The following CD200R1L variants were observed in gnomAD, a reference collection of about 807,000 sequenced individuals.
CD200R1L encodes the protein CD200 receptor 1 like.
A neutral mutation model predicts 24.8 loss-of-function variants in CD200R1L; 14 were observed. That is an observed-to-expected ratio of 0.56 (90% CI 0.37 to 0.88). CD200R1L has a LOEUF of 0.88. CD200R1L is among the 40% of genes least tolerant of loss of function. The pLI is 0.00. For synonymous variants in CD200R1L, 111 were observed against 109.2 expected, an observed-to-expected ratio of 1.02 and a Z score of -0.11; for missense variants, 299 against 297.8, an observed-to-expected ratio of 1.00 and a Z score of -0.03.
intron 6 of CD200R1L, 40 bp downstream of exon 6, chr3:112,826,953 G>C (rs1399820630): frequency 6.6e-7 from 1 of 1,507,574 alleles, no homozygotes; most frequent in Non-Finnish European, 8.9e-7. Flanking sequence ...AGAAAAAGTT[G>C]AGCATCAAGT....
chr3:112,827,261 A>G lies in CD200R1L; in HGVS notation c.368-20T>C, dbSNP rs566932430. 6.9e-6 allele frequency: 11 copies of G among 1,590,350 alleles called. No individual in the cohort carries two copies. In the Admixed American group the frequency reaches 1.1e-4, roughly 15 times the overall value. On this transcript the variant is annotated intron_variant, in intron 5 of 7. Transcript: ENST00000488794. ...GTGTAACTGCAGAGAGGAAAGAGGG[A>G]AAAAAATGCTTCAGTTTTCACATAA...
intron 6 of CD200R1L, among the ~76,000 whole-genome samples, chr3:112,825,064 C>T (rs1182930910): frequency 2.0e-5 from 3 of 151,816 alleles, no homozygotes. Context: ...GGTGAAACCC[C>T]GTCTCTACAA....
At chr3:112,816,230 T>C (rs1161698831) in intron 7 of CD200R1L, among the ~76,000 whole-genome samples, 1 of 152,190 alleles carries the variant, frequency 6.6e-6, no homozygotes, top group Non-Finnish European at 1.5e-5. Context: ...GGTCTTCTCA[T>C]CTTGACTGAG....
Position 112,844,312 on chromosome 3 carries a change from A to G in CD200R1L, c.-87+1367T>C, listed in dbSNP as rs530461090. Among the ~76,000 whole-genome samples, 217 of 152,334 alleles carry G rather than the reference A, an allele frequency of 1.4e-3. 1 individual carries two copies. The highest frequency in any genetic ancestry group is 5.1e-3 in the African/African-American group (214 of 41,568). ...ATGCTCAACCACAAAACAAGTATCA[A>G]TAAATTAAAAAATGTCAAAATCATA... On this transcript the variant is annotated intron_variant, in intron 2 of 7. Transcript: ENST00000488794.
At chr3:112,817,832 A>G (rs756600867) in intron 7 of CD200R1L, among the ~76,000 whole-genome samples, 83 of 152,260 alleles carry the variant, frequency 5.5e-4, no homozygotes, top group Non-Finnish European at 2.8e-4. Context: ...TGATAAAGAC[A>G]TACCGAAAAC....
chr3:112,837,691 T>G (rs528504067), intron 3 of CD200R1L, among the ~76,000 whole-genome samples: 2 of 152,260 alleles, frequency 1.3e-5, no homozygotes, highest in South Asian at 4.1e-4. Flanking sequence ...GACCAGAATA[T>G]GTAGACTACT....
At chr3:112,841,193 A>C (rs1939071447) in intron 2 of CD200R1L, 1 of 395,152 alleles carries the variant, frequency 2.5e-6, no homozygotes, top group Non-Finnish European at 5.1e-6. Flanking sequence ...GTGCTGTCTC[A>C]TGATAGAGTT....
intron 6 of CD200R1L, among the ~76,000 whole-genome samples, chr3:112,820,504 G>C (rs1303086189): frequency 6.6e-6 from 1 of 151,932 alleles, no homozygotes; most frequent in East Asian, 1.9e-4. Flanking sequence ...AATCTCGGCT[G>C]ACTGCAACCT....
chr3:112,824,709 TTG>T (rs1044008661), intron 6 of CD200R1L, among the ~76,000 whole-genome samples: 2 of 152,248 alleles, frequency 1.3e-5, no homozygotes, highest in Non-Finnish European at 2.9e-5. Flanking sequence ...GTCAGAAGCA[TTG>T]TGAATGAAAA....
In CD200R1L at chr3:112,827,418, C is replaced by T. The variant is rs761157266; in HGVS notation, c.316G>A (p.Val106Met). The T allele has an allele frequency of 1.2e-6, 2 of 1,614,224 alleles. No homozygotes were observed. The highest frequency in any genetic ancestry group is 1.7e-6 in the Non-Finnish European group (2 of 1,180,034). ...TTHDGYYRGI[V>M]VTPDGNFHRG... ...TGGAAATTCCCATCAGGTGTTACCACTATGCCTCTGTAATACCCGTCATGA... is the reference window on the plus strand; with the variant it reads ...TGGAAATTCCCATCAGGTGTTACCATTATGCCTCTGTAATACCCGTCATGA... The change falls in exon 5 of 8, where the codon GTG (valine) becomes ATG (methionine). Residue 106 changes from valine to methionine, a missense_variant. Coordinates refer to ENST00000488794, the MANE Select transcript of CD200R1L (RefSeq NM_001199215.3).
intron 2 of CD200R1L, among the ~76,000 whole-genome samples, chr3:112,841,852 A>G (rs192907218): frequency 6.6e-6 from 1 of 152,324 alleles, no homozygotes; most frequent in East Asian, 1.9e-4. Flanking sequence ...GGGTTCAAGC[A>G]CACCACCCAG....
intron 2 of CD200R1L, among the ~76,000 whole-genome samples, chr3:112,843,480 G>C (rs1431350275): frequency 6.6e-6 from 1 of 152,192 alleles, no homozygotes; most frequent in African/African-American, 2.4e-5. Flanking sequence ...CATAAGCAAA[G>C]AGAAATACAA....
chr3:112,819,471 T>C (rs1938479793), intron 7 of CD200R1L, among the ~76,000 whole-genome samples: 1 of 152,140 alleles, frequency 6.6e-6, no homozygotes, highest in Non-Finnish European at 1.5e-5. Context: ...AAGTAAACAC[T>C]TGAGAAGCCC....
intron 7 of CD200R1L, chr3:112,818,913 C>T (rs961998306): frequency 6.5e-5 from 10 of 154,090 alleles, no homozygotes; most frequent in African/African-American, 2.2e-4. Flanking sequence ...TGTCTTCACA[C>T]TGCTGTAAAG....
At chr3:112,826,547 T>C (rs1938661276) in intron 6 of CD200R1L, among the ~76,000 whole-genome samples, 1 of 152,228 alleles carries the variant, frequency 6.6e-6, no homozygotes, top group Admixed American at 6.5e-5. Flanking sequence ...CATCACCAGC[T>C]TCAAACTTAT....
rs1248837559 is a variant in CD200R1L at position 112,829,284 on chromosome 3, C to T, written c.49+35G>A. On this transcript the variant is annotated intron_variant, in intron 4 of 7. Coordinates refer to ENST00000488794, the MANE Select transcript of CD200R1L (RefSeq NM_001199215.3). ...TTCTACTGAAGTTCAACTTTCCATC[C>T]CTCAGTGCTGGCCACTACTAAGGGA... 4 of 1,541,436 alleles carry T rather than the reference C, an allele frequency of 2.6e-6. No homozygotes were observed. The South Asian group carries it at 4.5e-5, about 17-fold the overall frequency.
intron 3 of CD200R1L, among the ~76,000 whole-genome samples, chr3:112,831,461 T>C (rs774247204): frequency 2.0e-5 from 3 of 152,174 alleles, no homozygotes; most frequent in Non-Finnish European, 4.4e-5. Flanking sequence ...TGGTGCCTCT[T>C]ATAGGTTGAA....
intron 3 of CD200R1L, among the ~76,000 whole-genome samples, chr3:112,832,207 G>A (rs1938819027): frequency 6.6e-6 from 1 of 152,172 alleles, no homozygotes; most frequent in African/African-American, 2.4e-5. Context: ...AATCTGAATT[G>A]ATCCTGATAC....
At chr3:112,826,872 G>A in intron 6 of CD200R1L, 121 bp downstream of exon 6, 2 of 1,133,148 alleles carry the variant, frequency 1.8e-6, no homozygotes, top group Non-Finnish European at 2.5e-6. Flanking sequence ...TTCTCAGTTT[G>A]AGAGAATATT....
Sources: gnomAD v4.1 joint callset for allele counts (sites outside exome capture counted in the v4.1 genomes callset) on GRCh38, gnomAD v4.1.1 for gene constraint, MANE v1.5 for transcripts, NCBI Gene and HGNC (gene_info 2026-07-23, HGNC 2026-07-21) for gene names.